GPR158: variants seen among roughly 807,000 people sequenced by gnomAD.
The protein encoded by GPR158 is G protein-coupled receptor 158.
A neutral mutation model predicts 78.2 loss-of-function variants in GPR158; 30 were observed. The observed-to-expected ratio is 0.38, with a 90% CI of 0.29 to 0.52. GPR158 has a LOEUF of 0.52. Among genes scored for constraint, GPR158 ranks in the 20% least tolerant of loss-of-function variants. The pLI, the probability that GPR158 is intolerant of heterozygous loss-of-function variation, is 0.83. For missense variants in GPR158, 1,463 were observed against 1,523.5 expected, an observed-to-expected ratio of 0.96 and a Z score of 0.66; for synonymous variants, 581 against 591.1, an observed-to-expected ratio of 0.98 and a Z score of 0.25.
chr10:25,548,073 T>G (rs1026451466), intron 5 of GPR158, among the ~76,000 whole-genome samples: 1 of 152,182 alleles, frequency 6.6e-6, no homozygotes, highest in African/African-American at 2.4e-5. Flanking sequence ...TACTAATGAT[T>G]AGGAAGCCCT....
Position 25,514,384 on chromosome 10 carries a change from G to C in GPR158, c.1405-36592G>C, listed in dbSNP as rs111234360. On this transcript the variant is annotated intron_variant, in intron 5 of 10. Coordinates refer to ENST00000376351, the MANE Select transcript of GPR158 (RefSeq NM_020752.3). ...CTTTTATCCTTGCCCTTTACCTTAA[G>C]TTTATGTGAGTCCTTATATGTTAGG... is the stretch of plus-strand genomic sequence containing the variant. Among the ~76,000 whole-genome samples the C allele has an allele frequency of 2.5e-3, 382 of 152,110 alleles. 1 individual carries two copies. The highest frequency in any genetic ancestry group is 8.6e-3 in the African/African-American group (358 of 41,510).
chr10:25,218,626 G>A (rs1275955112), intron 1 of GPR158, among the ~76,000 whole-genome samples: 1 of 152,112 alleles, frequency 6.6e-6, no homozygotes, highest in Non-Finnish European at 1.5e-5. Flanking sequence ...TTCTAAATAA[G>A]ATATTCAAGA....
intron 7 of GPR158, among the ~76,000 whole-genome samples, chr10:25,584,138 T>G (rs1201775206): frequency 6.9e-6 from 1 of 144,336 alleles, no homozygotes; most frequent in East Asian, 2.1e-4. Context: ...TCTCGAAATA[T>G]AAATGCAGTC....
intron 1 of GPR158, among the ~76,000 whole-genome samples, chr10:25,182,812 C>T (rs968852191): frequency 6.6e-6 from 1 of 152,202 alleles, no homozygotes; most frequent in Non-Finnish European, 1.5e-5. Context: ...TTGGTTGGTA[C>T]AGAAGCATTA....
intron 2 of GPR158, among the ~76,000 whole-genome samples, chr10:25,227,562 T>C (rs960437888): frequency 2.6e-5 from 4 of 152,226 alleles, no homozygotes; most frequent in Non-Finnish European, 5.9e-5. Flanking sequence ...TAAACTATTA[T>C]TCTTAGTAAT....
At position 25,289,712 on chromosome 10, in the gene GPR158, G is replaced by A. The variant is rs528233755; in HGVS notation, c.1008+68555G>A. 1.1e-4 allele frequency among the ~76,000 whole-genome samples: 16 copies of A among 152,184 alleles called. No individual in the cohort carries two copies. The East Asian group carries it at 1.7e-3, about 17-fold the overall frequency. On this transcript the variant is annotated intron_variant, in intron 2 of 10. Coordinates refer to ENST00000376351, the MANE Select transcript of GPR158 (RefSeq NM_020752.3). The stretch of plus-strand genomic sequence containing the variant: ...TGAAATTACAGGTGTGAGCCACCGC[G>A]CCCAGCCGAACATTTAAATGTTTTC...
intron 6 of GPR158, among the ~76,000 whole-genome samples, chr10:25,554,965 G>A (rs1836768385): frequency 6.6e-6 from 1 of 151,648 alleles, no homozygotes; most frequent in African/African-American, 2.4e-5. Flanking sequence ...GCAAGCCACT[G>A]ATGTGGTGTA....
At chr10:25,392,498 C>T (rs908530535) in intron 2 of GPR158, among the ~76,000 whole-genome samples, 6 of 152,194 alleles carry the variant, frequency 3.9e-5, no homozygotes, top group Non-Finnish European at 5.9e-5. Flanking sequence ...AATGACACTC[C>T]AAGGATCCCG....
At position 25,599,116 on chromosome 10, in the gene GPR158, C is replaced by T; in HGVS notation, c.3490C>T (p.Pro1164Ser). Residue 1164 changes from proline to serine, a missense_variant, in exon 11 of 11, where the codon CCT becomes TCT. Transcript: ENST00000376351. ...SYNSSNNFQQ[P>S]LTSRAEVCPW... ...TAACTCAAGTAATAACTTCCAGCAA[C>T]CTTTAACATCACGAGCAGAGGTTTG... 1 of 1,612,044 alleles carries T rather than the reference C, an allele frequency of 6.2e-7. No homozygotes were observed. The highest frequency in any genetic ancestry group is 1.6e-4 in the Middle Eastern group (1 of 6,062).
At chr10:25,249,358 A>T (rs1159346785) in intron 2 of GPR158, among the ~76,000 whole-genome samples, 1 of 152,082 alleles carries the variant, frequency 6.6e-6, no homozygotes. Context: ...GTTGAATAGG[A>T]GTGGTGAGGG....
At chr10:25,561,330 G>T (rs960178068) in intron 6 of GPR158, among the ~76,000 whole-genome samples, 2 of 152,160 alleles carry the variant, frequency 1.3e-5, no homozygotes, top group African/African-American at 4.8e-5. Flanking sequence ...AGATAATTGA[G>T]ATTTAAGGAC....
At chr10:25,417,946 T>C (rs533916250) in intron 4 of GPR158, among the ~76,000 whole-genome samples, 1 of 152,334 alleles carries the variant, frequency 6.6e-6, no homozygotes, top group East Asian at 1.9e-4. Flanking sequence ...CCGTATGTCA[T>C]TGAGGGCCTG....
At chr10:25,260,158 C>T (rs9988748) in intron 2 of GPR158, among the ~76,000 whole-genome samples, 28,493 of 151,918 alleles carry the variant, frequency 0.19, 4,185 homozygotes, top group African/African-American at 0.4. Context: ...ATAACATTTG[C>T]GATAGATTTT....
chr10:25,476,830 G>A (rs370113672), intron 5 of GPR158, among the ~76,000 whole-genome samples: 4 of 152,048 alleles, frequency 2.6e-5, no homozygotes, highest in African/African-American at 7.2e-5. Context: ...TTCTTCATTA[G>A]GAAACAAAAG....
intron 1 of GPR158, among the ~76,000 whole-genome samples, chr10:25,218,551 A>G (rs1853251541): frequency 6.6e-6 from 1 of 152,234 alleles, no homozygotes; most frequent in African/African-American, 2.4e-5. Flanking sequence ...ACTTGACCTC[A>G]TTATAACCAA....
Position 25,460,757 on chromosome 10 carries a change from A to G in GPR158, c.1336-5894A>G, listed in dbSNP as rs531119940. ...ACCTTGTTTTATTGTGCTTTGCTCT[A>G]TTGTGCTTGACAGATACCATGTGTC... On this transcript the variant is annotated intron_variant, in intron 4 of 10. Transcript: ENST00000376351. Among the ~76,000 whole-genome samples the G allele has an allele frequency of 5.9e-5, 9 of 152,266 alleles. No individual in the cohort carries two copies. The South Asian group carries it at 1.9e-3, about 32-fold the overall frequency.
rs1397804970 is a variant in GPR158, at chr10:25,176,438, C to T, written c.902+116C>T. ...GGCTGTGACGCGAACGCTTCTCACC[C>T]TCAGAGTAGAGACCCGGGCTGAGGG... On this transcript the variant is annotated intron_variant, in intron 1 of 10. Transcript: ENST00000376351. This position sits in a 1 kb window ranked among gnomAD's most constrained non-coding sequence, Gnocchi z 6.3. 19 of 872,378 alleles carry T rather than the reference C, an allele frequency of 2.2e-5. No homozygotes were observed. In the East Asian group the frequency reaches 4.4e-4, roughly 20 times the overall value. 54.0% of individuals were successfully genotyped at this position (872,378 alleles called of 1,614,324 possible). A position where few individuals can be genotyped will look rare whatever the true frequency, so the allele number is the denominator to read the frequency against.
intron 6 of GPR158, among the ~76,000 whole-genome samples, chr10:25,566,151 T>C (rs763207196): frequency 6.6e-6 from 1 of 152,106 alleles, no homozygotes; most frequent in Non-Finnish European, 1.5e-5. Context: ...GGAATTGGAA[T>C]TGGGAGCATA....
chr10:25,223,641 T>C (rs1048674330), intron 2 of GPR158, among the ~76,000 whole-genome samples: 1 of 152,182 alleles, frequency 6.6e-6, no homozygotes, highest in African/African-American at 2.4e-5. Flanking sequence ...GCATTTTTCA[T>C]GTGTTCTGGC....
Sources: gnomAD v4.1 joint callset for allele counts (sites outside exome capture counted in the v4.1 genomes callset) on GRCh38, gnomAD v4.1.1 for gene constraint, Gnocchi (gnomAD v3.1) non-coding constraint, MANE v1.5 for transcripts, NCBI Gene and HGNC (gene_info 2026-07-23, HGNC 2026-07-21) for gene names.